Variants in AHNAK2 observed in about 807,000 individuals in gnomAD.
AHNAK2 encodes AHNAK nucleoprotein 2.
AHNAK2 carries 18 observed loss-of-function variants against 30.7 expected under a neutral mutation model. That is an observed-to-expected ratio of 0.59 (90% CI 0.41 to 0.87). AHNAK2 has a LOEUF of 0.87. Ranked by LOEUF, AHNAK2 falls within the 40% of genes least tolerant of loss-of-function variation. AHNAK2 has a pLI of 0.00. For synonymous variants in AHNAK2, 3,590 were observed against 3,073.8 expected (o/e 1.17, Z -5.56); for missense variants, 8,604 against 7,373.0 (o/e 1.17, Z -6.11).
At chr14:104,963,599 G>A (rs1358297883) in intron 1 of AHNAK2, among the ~76,000 whole-genome samples, 1 of 152,132 alleles carries the variant, frequency 6.6e-6, no homozygotes, top group African/African-American at 2.4e-5. Flanking sequence ...GGGAGGCCGA[G>A]GCGGGCGGAT....
rs761622492 is a variant in AHNAK2 at position 104,952,738 on chromosome 14, G to C, written c.2713C>G (p.Pro905Ala). Residue 905 changes from proline to alanine, a missense_variant, in exon 7 of 7, where the codon CCT (proline) becomes GCT (alanine). Physicochemically the swap from Pro to Ala is conservative, Grantham distance 27 (BLOSUM62 -1). Coordinates refer to ENST00000333244, the MANE Select transcript of AHNAK2 (RefSeq NM_138420.4). ...GQVDVKLPEG[P>A]VPEGAGPKVH... Reference sequence around the variant, plus strand: ...TTGGGGCCGGCTCCCTCGGGCACAGGGCCCTCCGGAAGTTTCACATCCACT... The same window carrying C: ...TTGGGGCCGGCTCCCTCGGGCACAGCGCCCTCCGGAAGTTTCACATCCACT... The C allele has an allele frequency of 3.7e-6, 6 of 1,612,634 alleles. No individual in the cohort carries two copies. In the African/African-American group the frequency reaches 6.7e-5, roughly 18 times the overall value.
Position 104,949,598 on chromosome 14 carries a change from C to T in AHNAK2, c.5853G>A (p.Leu1951=). The T allele has an allele frequency of 6.3e-7, 1 of 1,589,358 alleles. No homozygotes were observed. Among genetic ancestry groups the T allele is most frequent in the Non-Finnish European group, 8.6e-7 (1 of 1,163,522 alleles). The change falls in exon 7 of 7, where the codon CTG becomes CTA. Residue 1951 remains leucine, a synonymous_variant. Coordinates refer to ENST00000333244, the MANE Select transcript of AHNAK2 (RefSeq NM_138420.4). ...EVTAPDVEVS[L]PSMEVDVQAQ... ...CCTGGACATCCACCTCCATGCTGGG[C>T]AGAGACACCTCGACATCGGGGGCTG...
chr14:104,972,773 G>C (rs1386561936), intron 1 of AHNAK2, among the ~76,000 whole-genome samples: 1 of 152,208 alleles, frequency 6.6e-6, no homozygotes, highest in East Asian at 1.9e-4. Context: ...CTCTGCCTGG[G>C]GCACCCTCCC....
At chr14:104,963,746 C>T (rs1320637681) in intron 1 of AHNAK2, among the ~76,000 whole-genome samples, 1 of 150,292 alleles carries the variant, frequency 6.7e-6, no homozygotes, top group Non-Finnish European at 1.5e-5. Flanking sequence ...AGGAGAATGG[C>T]GTGAACCCGG....
rs1259740841 is a variant in AHNAK2, at chr14:104,941,541, C to T, written c.13910G>A (p.Gly4637Asp). ...KFQGPKLSTSGFEWSSKKVSM... is the reference protein window; with the variant it reads ...KFQGPKLSTSDFEWSSKKVSM... Reference sequence around the variant, plus strand: ...AACTTTCTTTGACGACCATTCAAAACCAGACGTGCTCAGTTTTGGTCCTTG... The same window carrying T: ...AACTTTCTTTGACGACCATTCAAAATCAGACGTGCTCAGTTTTGGTCCTTG... Residue 4637 changes from glycine to aspartate, a missense_variant, in exon 7 of 7, where the codon GGT becomes GAT. Transcript: ENST00000333244. 2 of 1,613,098 alleles carry T rather than the reference C, an allele frequency of 1.2e-6. No individual in the cohort carries two copies. Among genetic ancestry groups the T allele is most frequent in the African/African-American group, 1.3e-5 (1 of 75,054 alleles).
rs372553185 is a variant in AHNAK2 at position 104,953,136 on chromosome 14, T to C, written c.2315A>G (p.Asp772Gly). ...QRPSLKMPKV[D>G]LKGPKLDLKG... ...CAGGTCCAGCTTGGGGCCCTTGAGG[T>C]CCACTTTGGGCATCTTCAAACTGGG... The change falls in exon 7 of 7, where the codon GAC becomes GGC. Residue 772 changes from aspartate (D) to glycine (G), a missense_variant. Asp to Gly is a moderately conservative substitution (Grantham distance 94). Coordinates refer to ENST00000333244, the MANE Select transcript of AHNAK2 (RefSeq NM_138420.4). 2.5e-6 allele frequency: 4 copies of C among 1,613,048 alleles called. No individual in the cohort carries two copies. Among genetic ancestry groups the C allele is most frequent in the Non-Finnish European group, 3.4e-6 (4 of 1,179,622 alleles).
In AHNAK2 at chr14:104,944,612, G is replaced by A. The variant is rs768951245; in HGVS notation, c.10839C>T (p.Ala3613=). ...SVEVDVQAPK[A]KLDAGRLEGD... is the part of the protein sequence containing the mutation. The stretch of plus-strand genomic sequence containing the variant: ...CCTCCAGCCGCCCAGCATCCAGCTT[G>A]GCCTTCGGGGCCTGGACATCCACCT... Residue 3613 remains alanine, a synonymous_variant, in exon 7 of 7, where the codon GCC becomes GCT. Coordinates refer to ENST00000333244, the MANE Select transcript of AHNAK2 (RefSeq NM_138420.4). 1 of 1,613,228 alleles carries A rather than the reference G, an allele frequency of 6.2e-7. No individual in the cohort carries two copies. The highest frequency in any genetic ancestry group is 1.7e-5 in the Admixed American group (1 of 59,968).
chr14:104,963,352 T>C (rs2140876612), intron 1 of AHNAK2, among the ~76,000 whole-genome samples: 1 of 152,324 alleles, frequency 6.6e-6, no homozygotes, highest in East Asian at 1.9e-4. Flanking sequence ...GGGATATCCA[T>C]ATGGAAAAAC....
intron 1 of AHNAK2, among the ~76,000 whole-genome samples, chr14:104,964,284 G>A (rs552370719): frequency 6.6e-6 from 1 of 152,164 alleles, no homozygotes; most frequent in Non-Finnish European, 1.5e-5. Flanking sequence ...ACAAAACCAC[G>A]AGGTGCCATA....
intron 1 of AHNAK2, among the ~76,000 whole-genome samples, chr14:104,975,026 G>A (rs1899560394): frequency 6.6e-6 from 1 of 152,248 alleles, no homozygotes; most frequent in Non-Finnish European, 1.5e-5. Context: ...GGAGAGCTGG[G>A]AGTGGGCCCA....
At position 104,937,692 on chromosome 14, in the gene AHNAK2, T is replaced by C. The variant is rs1018699694; in HGVS notation, c.*371A>G. 3.0e-4 allele frequency: 62 copies of C among 207,486 alleles called. 2 individuals are homozygous for C. Among genetic ancestry groups the C allele is most frequent in the Admixed American group, 5.3e-5 (1 of 19,000 alleles). The allele number at this position is 207,486 out of a possible 1,614,324, so 12.9% of individuals were successfully genotyped here. ...AAAACGACTTGTACACCACAGACAT[T>C]ATAACCCTTTCCTCAAAGAAACAGT... On this transcript the variant is annotated 3_prime_UTR_variant, in exon 7 of 7. Coordinates refer to ENST00000333244, the MANE Select transcript of AHNAK2 (RefSeq NM_138420.4).
rs1385842485 is a variant in AHNAK2, at chr14:104,978,345, T to G, written c.-108A>C. 1.2e-6 allele frequency: 1 copy of G among 819,414 alleles called. No homozygotes were observed. Among genetic ancestry groups the G allele is most frequent in the Non-Finnish European group, 1.5e-6 (1 of 665,628 alleles). 50.8% of individuals were successfully genotyped at this position (819,414 alleles called of 1,614,324 possible). Reference sequence around the variant, plus strand: ...GGAGCCGCGCTCTGCCCCGCTGCCCTGCGCTGCCGCGGGCGGCCGACCTCG... The same window carrying G: ...GGAGCCGCGCTCTGCCCCGCTGCCCGGCGCTGCCGCGGGCGGCCGACCTCG... On this transcript the variant is annotated 5_prime_UTR_variant, in exon 1 of 7. Transcript: ENST00000333244.
In AHNAK2 at chr14:104,945,097, C is replaced by T. The variant is rs1465265828; in HGVS notation, c.10354G>A (p.Gly3452Ser). ...DVQAPRAKLD[G>S]ARLEGDLSLA... ...GACAGGTCCCCCTCCAGCCGCGCAC[C>T]ATCCAGCTTGGCTCTCGGGGCCTGG... The change falls in exon 7 of 7, where the codon GGT (glycine) becomes AGT (serine). Residue 3452 changes from glycine (G) to serine (S), a missense_variant. Coordinates refer to ENST00000333244, the MANE Select transcript of AHNAK2 (RefSeq NM_138420.4). The T allele has an allele frequency of 9.9e-6, 16 of 1,612,860 alleles. 1 individual carries two copies. The African/African-American group carries it at 1.1e-4, about 11-fold the overall frequency.
Position 104,944,895 on chromosome 14 carries a change from G to A in AHNAK2, c.10556C>T (p.Thr3519Ile), listed in dbSNP as rs769708322. 3 of 1,613,282 alleles carry A rather than the reference G, an allele frequency of 1.9e-6. No homozygotes were observed. In the Admixed American group the frequency reaches 5.0e-5, roughly 27 times the overall value. Residue 3519 changes from threonine to isoleucine, a missense_variant, in exon 7 of 7, where the codon ACT becomes ATT. Transcript: ENST00000333244. ...GGAAGGGGGCTGAATGCTGAGGTCAGTGGCCTTGAGGTCCCCCTGCATGGA... is the reference window on the plus strand; with the variant it reads ...GGAAGGGGGCTGAATGCTGAGGTCAATGGCCTTGAGGTCCCCCTGCATGGA... ...LSSMQGDLKATDLSIQPPSAD... is the reference protein window; with the variant it reads ...LSSMQGDLKAIDLSIQPPSAD...
At position 104,947,549 on chromosome 14, in the gene AHNAK2, C is replaced by A. The variant is rs757253012; in HGVS notation, c.7902G>T (p.Leu2634=). The part of the protein sequence containing the change: ...KLDGARLEGD[L]SLADKGVTAK... ...CTGTCACACCCTTGTCGGCCAGGGA[C>A]AGGTCCCCCTCCAGCCGCGCACCAT... Residue 2634 remains leucine (L), a synonymous_variant, in exon 7 of 7, where the codon CTG becomes CTT. Transcript: ENST00000333244. 3 of 1,612,820 alleles carry A rather than the reference C, an allele frequency of 1.9e-6. No homozygotes were observed. The highest frequency in any genetic ancestry group is 3.3e-5 in the Admixed American group (2 of 59,930).
In AHNAK2 at chr14:104,940,014, G is replaced by C. The variant is rs886535773; in HGVS notation, c.15437C>G (p.Pro5146Arg). 4 of 1,610,906 alleles carry C rather than the reference G, an allele frequency of 2.5e-6. No individual in the cohort carries two copies. Among genetic ancestry groups the C allele is most frequent in the African/African-American group, 1.3e-5 (1 of 74,884 alleles). Reference protein sequence around the residue: ...CGLGDVPVSQPCGEGIAPTPE... With the variant: ...CGLGDVPVSQRCGEGIAPTPE... ...TGTGGGGGCTATCCCCTCCCCACAA[G>C]GCTGGCTCACTGGGACATCCCCGAG... Residue 5146 changes from proline to arginine, a missense_variant, in exon 7 of 7, where the codon CCT becomes CGT. Coordinates refer to ENST00000333244, the MANE Select transcript of AHNAK2 (RefSeq NM_138420.4). This position sits in a 1 kb window ranked among gnomAD's most constrained non-coding sequence, Gnocchi z 4.4.
intron 1 of AHNAK2, among the ~76,000 whole-genome samples, chr14:104,976,382 G>A (rs1001918578): frequency 4.6e-5 from 7 of 152,350 alleles, no homozygotes; most frequent in Admixed American, 3.9e-4. Context: ...TGGACAGGAA[G>A]ACGAGAGCAG....
Position 104,947,316 on chromosome 14 carries a change from A to C in AHNAK2, c.8135T>G (p.Val2712Gly), listed in dbSNP as rs1205201333. Residue 2712 changes from valine to glycine, a missense_variant, in exon 7 of 7, where the codon GTG becomes GGG. By Grantham distance (109) the Val-to-Gly change is moderately radical. Transcript: ENST00000333244. ...SAQLEVQAGQ[V>G]DVKLPEGHVP... ...GTGGCCCTCTGGGAGTTTCACATCC[A>C]CCTGGCCAGCCTGGACCTCCAGTTG... The C allele has an allele frequency of 6.2e-7, 1 of 1,611,412 alleles. No homozygotes were observed. Among genetic ancestry groups the C allele is most frequent in the Non-Finnish European group, 8.5e-7 (1 of 1,179,328 alleles).
rs557965184 is a variant in AHNAK2, at chr14:104,950,258, A to C, written c.5193T>G (p.Leu1731=). The change falls in exon 7 of 7, where the codon CTT becomes CTG. Residue 1731 remains leucine (L), a synonymous_variant. Coordinates refer to ENST00000333244, the MANE Select transcript of AHNAK2 (RefSeq NM_138420.4). ...GCCCTTTGAAGCCGGCTCCCTCGGGAAGGGGGCCCTCCGGGAGTTTCACGT... is the reference window on the plus strand; with the variant it reads ...GCCCTTTGAAGCCGGCTCCCTCGGGCAGGGGGCCCTCCGGGAGTTTCACGT... ...QVNVKLPEGP[L]PEGAGFKGHL... The C allele has an allele frequency of 4.7e-4, 749 of 1,578,334 alleles. 93 individuals are homozygous for C. In the African/African-American group the frequency reaches 7.0e-3, roughly 15 times the overall value.
Sources: gnomAD v4.1 joint callset for allele counts (sites outside exome capture counted in the v4.1 genomes callset) on GRCh38, gnomAD v4.1.1 for gene constraint, Gnocchi (gnomAD v3.1) non-coding constraint, MANE v1.5 for transcripts, NCBI Gene and HGNC (gene_info 2026-07-23, HGNC 2026-07-21) for gene names.